Variants in MND1 observed in about 807,000 individuals in gnomAD.
MND1 encodes meiotic nuclear division protein 1 homolog.
MND1 carries 28 observed loss-of-function variants against 35.1 expected under a neutral mutation model. The ratio of observed to expected loss-of-function variants is 0.80; its 90% confidence interval spans 0.59 to 1.09. MND1 has a LOEUF of 1.09. Ranked by LOEUF, MND1 falls within the 50% of genes least tolerant of loss-of-function variation. The probability of loss-of-function intolerance (pLI) is 0.00; values close to 1 mark genes in which losing one functional copy is unlikely to be tolerated. For synonymous variants in MND1, 69 were observed against 70.5 expected (o/e 0.98, Z 0.11); for missense variants, 213 against 239.6 (o/e 0.89, Z 0.73).
intron 4 of MND1, among the ~76,000 whole-genome samples, chr4:153,374,470 G>A (rs945621007): frequency 2.0e-5 from 3 of 152,060 alleles, no homozygotes; most frequent in Admixed American, 6.6e-5. Flanking sequence ...AGAGATGGTG[G>A]GATTCACATA....
At chr4:153,396,339 C>G (rs923137055) in intron 5 of MND1, among the ~76,000 whole-genome samples, 3 of 152,046 alleles carry the variant, frequency 2.0e-5, no homozygotes, top group Admixed American at 1.3e-4. Context: ...GTATATGAGT[C>G]TCTTGTACAA....
chr4:153,376,080 C>T (rs181262231), intron 4 of MND1, among the ~76,000 whole-genome samples: 1 of 152,114 alleles, frequency 6.6e-6, no homozygotes, highest in Non-Finnish European at 1.5e-5. Context: ...GCTATTTTGG[C>T]TCGACAGATA....
chr4:153,357,720 CTG>C (rs1426622518), intron 3 of MND1, among the ~76,000 whole-genome samples: 1 of 152,190 alleles, frequency 6.6e-6, no homozygotes, highest in Non-Finnish European at 1.5e-5. Flanking sequence ...GGAATCTCAA[CTG>C]TATCTTGAAG....
chr4:153,402,171 T>C (rs1729362767), intron 6 of MND1, among the ~76,000 whole-genome samples: 1 of 152,116 alleles, frequency 6.6e-6, no homozygotes, highest in Admixed American at 6.6e-5. Context: ...ACAACAAACA[T>C]TAATTGCAAT....
At chr4:153,351,881 A>T (rs2149629234) in intron 2 of MND1, among the ~76,000 whole-genome samples, 1 of 152,346 alleles carries the variant, frequency 6.6e-6, no homozygotes, top group Non-Finnish European at 1.5e-5. Flanking sequence ...GACAAATATT[A>T]ACAATGGTAA....
chr4:153,362,642 A>T (rs1332274550), intron 4 of MND1, among the ~76,000 whole-genome samples: 1 of 152,156 alleles, frequency 6.6e-6, no homozygotes, highest in African/African-American at 2.4e-5. Context: ...TTTTCAGATT[A>T]CTTAAATATG....
intron 4 of MND1, among the ~76,000 whole-genome samples, chr4:153,361,793 G>A (rs917339458): frequency 2.6e-5 from 4 of 151,702 alleles, no homozygotes; most frequent in East Asian, 3.9e-4. Flanking sequence ...AGCCAAGATC[G>A]CGCCACTGCA....
At chr4:153,390,912 T>C (rs1729008229) in intron 4 of MND1, among the ~76,000 whole-genome samples, 1 of 134,336 alleles carries the variant, frequency 7.4e-6, no homozygotes, top group Non-Finnish European at 1.5e-5. Flanking sequence ...TGTGTGTGTG[T>C]GTGTATATGT....
chr4:153,382,318 C>T (rs1268976630), intron 4 of MND1, among the ~76,000 whole-genome samples: 1 of 152,042 alleles, frequency 6.6e-6, no homozygotes, highest in Non-Finnish European at 1.5e-5. Flanking sequence ...TTCAGATAAC[C>T]TCTAACACTT....
intron 4 of MND1, among the ~76,000 whole-genome samples, chr4:153,382,805 T>A (rs887481415): frequency 3.5e-4 from 53 of 152,318 alleles, no homozygotes; most frequent in African/African-American, 1.3e-3. Context: ...AAAATAGTAA[T>A]TAAACAATAT....
intron 1 of MND1, among the ~76,000 whole-genome samples, chr4:153,348,149 C>G (rs1196395227): frequency 1.3e-5 from 2 of 152,096 alleles, no homozygotes; most frequent in Non-Finnish European, 2.9e-5. Context: ...ATAGAACAGA[C>G]AGGACAGATA....
At chr4:153,407,440 G>A (rs1579957887) in intron 6 of MND1, among the ~76,000 whole-genome samples, 1 of 152,136 alleles carries the variant, frequency 6.6e-6, no homozygotes, top group South Asian at 2.1e-4. Context: ...TCCACCCTGG[G>A]CAATGAGCAA....
intron 4 of MND1, among the ~76,000 whole-genome samples, chr4:153,389,155 G>A (rs189886999): frequency 2.8e-4 from 42 of 152,298 alleles, no homozygotes; most frequent in African/African-American, 7.5e-4. Context: ...ATGGGAAGAC[G>A]GGTTCTCAAT....
chr4:153,346,805 G>T (rs997882905), intron 1 of MND1, among the ~76,000 whole-genome samples: 1 of 152,274 alleles, frequency 6.6e-6, no homozygotes, highest in Admixed American at 6.5e-5. Flanking sequence ...CTTGTGGAGT[G>T]CAAGGAGCTG....
At chr4:153,389,290 A>G (rs955922193) in intron 4 of MND1, among the ~76,000 whole-genome samples, 11 of 152,318 alleles carry the variant, frequency 7.2e-5, no homozygotes, top group African/African-American at 2.6e-4. Context: ...TGCCATTATC[A>G]ATTGCATTAT....
At chr4:153,383,917 A>G (rs1728777476) in intron 4 of MND1, among the ~76,000 whole-genome samples, 1 of 152,222 alleles carries the variant, frequency 6.6e-6, no homozygotes, top group Admixed American at 6.5e-5. Flanking sequence ...GGCCTCTGCA[A>G]CTTAGCCCTC....
At chr4:153,396,548 G>T (rs1413455685) in intron 5 of MND1, among the ~76,000 whole-genome samples, 1 of 152,090 alleles carries the variant, frequency 6.6e-6, no homozygotes, top group Non-Finnish European at 1.5e-5. Flanking sequence ...TTTTGTTTGG[G>T]CTTACTTTTC....
At position 153,414,986 on chromosome 4, in the gene MND1, T is replaced by C; in HGVS notation, c.*129T>C. ...ATCATTTTATTAATGTTAAATAAAG[T>C]GTAAAATGCAGATGTTCTTCACCCC... On this transcript the variant is annotated 3_prime_UTR_variant, in exon 8 of 8. Transcript: ENST00000240488. 1 of 437,636 alleles carries C rather than the reference T, an allele frequency of 2.3e-6. No individual in the cohort carries two copies. The highest frequency in any genetic ancestry group is 4.1e-6 in the Non-Finnish European group (1 of 241,190). The allele number at this position is 437,636 out of a possible 1,614,324, so 27.1% of individuals were successfully genotyped here. A position where few individuals can be genotyped will look rare whatever the true frequency, so the allele number is the denominator to read the frequency against.
rs556422301 is a variant in MND1, at chr4:153,402,253, C to G, written c.466+4920C>G. ...TAATTTAGCTATTCTGACCATTATT[C>G]AAATGTGACCAGATAAAACATGTTA... On this transcript the variant is annotated intron_variant, in intron 6 of 7. Coordinates refer to ENST00000240488, the MANE Select transcript of MND1 (RefSeq NM_032117.4). Among the ~76,000 whole-genome samples, 11 of 152,280 alleles carry G rather than the reference C, an allele frequency of 7.2e-5. No homozygotes were observed. In the East Asian group the frequency reaches 2.1e-3, roughly 29 times the overall value.
Sources: allele counts gnomAD v4.1 joint callset (sites outside exome capture counted in the v4.1 genomes callset), GRCh38; gene constraint gnomAD v4.1.1; transcripts MANE v1.5; gene names NCBI Gene and HGNC (gene_info 2026-07-23, HGNC 2026-07-21).